TM9SF3: variants seen among roughly 807,000 people sequenced by gnomAD.
TM9SF3 encodes the protein transmembrane 9 superfamily member 3, also known as SM-11044-binding protein.
In TM9SF3, 14 loss-of-function variants were observed where a neutral mutation model predicts 78.6. That is an observed-to-expected ratio of 0.18 (90% confidence interval 0.12 to 0.28). The LOEUF is 0.28. Among genes scored for constraint, TM9SF3 ranks in the 10% least tolerant of loss-of-function variants. TM9SF3 has a pLI of 1.00. For synonymous variants in TM9SF3, 231 were observed against 241.7 expected, an observed-to-expected ratio of 0.96 and a Z score of 0.41; for missense variants, 496 against 721.9, an observed-to-expected ratio of 0.69 and a Z score of 3.59.
At chr10:96,576,171 T>TTA (rs1848494619) in intron 2 of TM9SF3, among the ~76,000 whole-genome samples, 1 of 152,212 alleles carries the variant, frequency 6.6e-6, no homozygotes. Flanking sequence ...AATTACTTTG[T>TTA]TAAATATCCA....
At chr10:96,569,860 C>T (rs1848419984) in intron 2 of TM9SF3, among the ~76,000 whole-genome samples, 1 of 152,010 alleles carries the variant, frequency 6.6e-6, no homozygotes, top group Non-Finnish European at 1.5e-5. Flanking sequence ...GGTGAAACCC[C>T]GTCTCTACTA....
chr10:96,583,029 G>A (rs925063147), intron 1 of TM9SF3, among the ~76,000 whole-genome samples: 7 of 147,366 alleles, frequency 4.8e-5, no homozygotes, highest in Non-Finnish European at 7.4e-5. Flanking sequence ...GCAGTGAGCC[G>A]AGATCACGCC....
chr10:96,566,449 A>AAG (rs999056058), intron 2 of TM9SF3, among the ~76,000 whole-genome samples: 2 of 152,148 alleles, frequency 1.3e-5, no homozygotes. Flanking sequence ...CCCAATCCTT[A>AAG]AGAGAGAGAG....
rs1329383706 is a variant in TM9SF3 at position 96,521,155 on chromosome 10, G to GAC, written c.*1106_*1107dup. On this transcript the variant is annotated 3_prime_UTR_variant, in exon 15 of 15. Coordinates refer to ENST00000371142, the MANE Select transcript of TM9SF3 (RefSeq NM_020123.4). ...ACAACCCCCCTCCCAAAAGAAGTAT[G>GAC]ACACACACATTTTGAAGAAACCCCA... The GAC allele has an allele frequency of 2.8e-6, 1 of 350,960 alleles. No individual in the cohort carries two copies. Among genetic ancestry groups the GAC allele is most frequent in the Non-Finnish European group, 5.1e-6 (1 of 195,490 alleles). The allele number at this position is 350,960 out of a possible 1,614,324, so 21.7% of individuals were successfully genotyped here. A position where few individuals can be genotyped will look rare whatever the true frequency, so the allele number is the denominator to read the frequency against.
intron 2 of TM9SF3, among the ~76,000 whole-genome samples, chr10:96,566,762 C>T (rs1031902431): frequency 5.9e-5 from 9 of 152,168 alleles, no homozygotes; most frequent in African/African-American, 1.9e-4. Context: ...AATGAGATTG[C>T]TCCAAAGGGT....
intron 12 of TM9SF3, 137 bp from the exon 13 acceptor site, chr10:96,527,633 G>T: frequency 1.6e-6 from 1 of 635,856 alleles, no homozygotes; most frequent in Non-Finnish European, 2.6e-6. Context: ...GCATAGACAT[G>T]GTATTCAAAT....
chr10:96,568,781 CTCTAGTA>C (rs1848407300), intron 2 of TM9SF3, among the ~76,000 whole-genome samples: 1 of 151,926 alleles, frequency 6.6e-6, no homozygotes, highest in Admixed American at 6.6e-5. Context: ...TTATTCTGAG[CTCTAGTA>C]TCTAGTAGCT....
Position 96,518,665 on chromosome 10 carries a change from G to A in TM9SF3, c.*3598C>T, listed in dbSNP as rs144545344. 6.6e-6 allele frequency: 1 copy of A among 152,090 alleles called. No individual in the cohort carries two copies. The highest frequency in any genetic ancestry group is 1.5e-5 in the Non-Finnish European group (1 of 67,984). 9.4% of individuals were successfully genotyped at this position (152,090 alleles called of 1,614,324 possible). Reference sequence around the variant, plus strand: ...GAATGCCAAATCAGATGGCTTTTAGGAAATGCTCATAGGAGAGAACTAGAG... The same window carrying A: ...GAATGCCAAATCAGATGGCTTTTAGAAAATGCTCATAGGAGAGAACTAGAG... On this transcript the variant is annotated 3_prime_UTR_variant, in exon 15 of 15. Coordinates refer to ENST00000371142, the MANE Select transcript of TM9SF3 (RefSeq NM_020123.4).
In TM9SF3 at chr10:96,520,645, T is replaced by C; in HGVS notation, c.*1618A>G. The C allele has an allele frequency of 2.7e-6, 1 of 372,840 alleles. No individual in the cohort carries two copies. The highest frequency in any genetic ancestry group is 3.8e-5 in the East Asian group (1 of 26,552). The allele number at this position is 372,840 out of a possible 1,614,324, so 23.1% of individuals were successfully genotyped here. A position where few individuals can be genotyped will look rare whatever the true frequency, so the allele number is the denominator to read the frequency against. The stretch of plus-strand genomic sequence containing the variant: ...TTCTAGGAAAACTTCATATTATGAA[T>C]AGTTCCAGAAAAATGTATTCAAATC... On this transcript the variant is annotated 3_prime_UTR_variant, in exon 15 of 15. Coordinates refer to ENST00000371142, the MANE Select transcript of TM9SF3 (RefSeq NM_020123.4).
At chr10:96,579,328 T>C (rs111387295) in intron 1 of TM9SF3, among the ~76,000 whole-genome samples, 30 of 152,340 alleles carry the variant, frequency 2.0e-4, no homozygotes, top group African/African-American at 6.7e-4. Context: ...CCATTAACCC[T>C]GCTGAGTCTG....
intron 5 of TM9SF3, among the ~76,000 whole-genome samples, chr10:96,555,760 A>G (rs1299712268): frequency 6.6e-6 from 1 of 152,218 alleles, no homozygotes. Flanking sequence ...AAGGTTATAT[A>G]AATCTGAGTT....
chr10:96,560,911 C>CA (rs1198013049), intron 4 of TM9SF3: 2 of 519,184 alleles, frequency 3.9e-6, no homozygotes, highest in Non-Finnish European at 7.5e-6. Flanking sequence ...AGCAAGTATA[C>CA]AAAAAGTGCA....
chr10:96,541,931 C>A (rs1848039098), intron 9 of TM9SF3, among the ~76,000 whole-genome samples: 1 of 152,180 alleles, frequency 6.6e-6, no homozygotes, highest in Non-Finnish European at 1.5e-5. Flanking sequence ...ATCCCAGGAA[C>A]TGGAATCAGG....
rs529708768 is a variant in TM9SF3, at chr10:96,583,696, G to A, written c.102+3038C>T. Among the ~76,000 whole-genome samples, 33 of 150,442 alleles carry A rather than the reference G, an allele frequency of 2.2e-4. No homozygotes were observed. The South Asian group carries it at 4.2e-3, about 19-fold the overall frequency. ...ACAAAATGGGCATATTACTCACCTC[G>A]TAGGTTATTAATAGATGAGTTAATA... is the stretch of plus-strand genomic sequence containing the variant. On this transcript the variant is annotated intron_variant, in intron 1 of 14. Transcript: ENST00000371142.
intron 1 of TM9SF3, among the ~76,000 whole-genome samples, chr10:96,586,395 G>A (rs1344009185): frequency 6.6e-6 from 1 of 152,104 alleles, no homozygotes; most frequent in African/African-American, 2.4e-5. Context: ...CAGCCTGCCC[G>A]TTGCCCCGCT....
chr10:96,521,220 C>G lies in TM9SF3; in HGVS notation c.*1043G>C. ...GGTAGGCAAGATGTAAAAGCCCACCCAAATCACACATTTCTACACCAATCA... is the reference window on the plus strand; with the variant it reads ...GGTAGGCAAGATGTAAAAGCCCACCGAAATCACACATTTCTACACCAATCA... On this transcript the variant is annotated 3_prime_UTR_variant, in exon 15 of 15. Transcript: ENST00000371142. The G allele has an allele frequency of 7.5e-6, 2 of 266,112 alleles. No homozygotes were observed. Among genetic ancestry groups the G allele is most frequent in the Non-Finnish European group, 1.4e-5 (2 of 142,078 alleles). 16.5% of individuals were successfully genotyped at this position (266,112 alleles called of 1,614,324 possible).
intron 2 of TM9SF3, among the ~76,000 whole-genome samples, chr10:96,570,222 T>C (rs1209631974): frequency 6.6e-6 from 1 of 152,244 alleles, no homozygotes; most frequent in Non-Finnish European, 1.5e-5. Flanking sequence ...TAATATGCAC[T>C]ATATAAGGAT....
chr10:96,527,596 C>A, intron 12 of TM9SF3, 100 bp from the exon 13 acceptor site: 3 of 905,604 alleles, frequency 3.3e-6, no homozygotes, highest in South Asian at 2.0e-5. Flanking sequence ...CCTTTAAAGT[C>A]CTTTAAAACT....
Position 96,544,218 on chromosome 10 carries a change from G to A in TM9SF3, c.1055-12C>T, listed in dbSNP as rs749629477. On this transcript the variant is annotated splice_polypyrimidine_tract_variant and intron_variant, in intron 8 of 14. Coordinates refer to ENST00000371142, the MANE Select transcript of TM9SF3 (RefSeq NM_020123.4). Reference sequence around the variant, plus strand: ...TATCCATCTCCTTCCTGAAAAGAAAGGAAACTATGAAAGTTTAATATAATT... The same window carrying A: ...TATCCATCTCCTTCCTGAAAAGAAAAGAAACTATGAAAGTTTAATATAATT... 3.3e-6 allele frequency: 5 copies of A among 1,533,410 alleles called. No homozygotes were observed. In the African/African-American group the frequency reaches 5.6e-5, roughly 17 times the overall value. The allele number at this position is 1,533,410 out of a possible 1,614,324, so 95.0% of individuals were successfully genotyped here.
Sources: allele counts gnomAD v4.1 joint callset (sites outside exome capture counted in the v4.1 genomes callset), GRCh38; gene constraint gnomAD v4.1.1; transcripts MANE v1.5; gene names NCBI Gene and HGNC (gene_info 2026-07-23, HGNC 2026-07-21).